Variants in ATP8A2 observed in about 807,000 individuals in gnomAD.
The protein encoded by ATP8A2 is ATPase phospholipid transporting 8A2.
ATP8A2 carries 100 observed loss-of-function variants against 165.6 expected under a neutral mutation model. The ratio of observed to expected loss-of-function variants is 0.60; its 90% confidence interval spans 0.51 to 0.71. The LOEUF is 0.71. Ranked by LOEUF, ATP8A2 falls within the 30% of genes least tolerant of loss-of-function variation. The pLI is 0.00. For synonymous variants in ATP8A2, 543 were observed against 548.8 expected, an observed-to-expected ratio of 0.99 and a Z score of 0.15; for missense variants, 1,227 against 1,479.5, an observed-to-expected ratio of 0.83 and a Z score of 2.80.
intron 24 of ATP8A2, among the ~76,000 whole-genome samples, chr13:25,602,150 AT>A (rs1246548285): frequency 6.6e-6 from 1 of 152,032 alleles, no homozygotes; most frequent in Non-Finnish European, 1.5e-5. Flanking sequence ...TGCTTGAACA[AT>A]TTTTTTCTAA....
chr13:25,686,607 T>C (rs1412542235), intron 24 of ATP8A2, among the ~76,000 whole-genome samples: 1 of 152,318 alleles, frequency 6.6e-6, no homozygotes, highest in Non-Finnish European at 1.5e-5. Context: ...AGTTTTCTTG[T>C]GGAATCTCTT....
chr13:25,765,696 G>A (rs1201243844), intron 25 of ATP8A2, among the ~76,000 whole-genome samples: 1 of 152,138 alleles, frequency 6.6e-6, no homozygotes, highest in African/African-American at 2.4e-5. Context: ...GCTGTTGGAT[G>A]TTCATAGATT....
intron 10 of ATP8A2, 63 bp from the exon 11 acceptor site, chr13:25,551,274 TC>T (rs539511928): frequency 6.7e-5 from 99 of 1,485,176 alleles, no homozygotes; most frequent in Non-Finnish European, 8.4e-5. Flanking sequence ...TTACCTCCTT[TC>T]CCCCAACCCC....
intron 33 of ATP8A2, among the ~76,000 whole-genome samples, chr13:25,910,986 A>G (rs113831457): frequency 1.8e-4 from 27 of 151,668 alleles, no homozygotes; most frequent in African/African-American, 6.1e-4. Flanking sequence ...TGGCGCAGGA[A>G]CACAGAGGGG....
At chr13:25,490,849 C>A (rs1425465316) in intron 2 of ATP8A2, among the ~76,000 whole-genome samples, 2 of 151,676 alleles carry the variant, frequency 1.3e-5, no homozygotes, top group African/African-American at 4.8e-5. Flanking sequence ...GCCTCAAATT[C>A]TCCCACCTCA....
intron 2 of ATP8A2, among the ~76,000 whole-genome samples, chr13:25,520,607 T>G (rs1199722577): frequency 1.5e-5 from 2 of 137,076 alleles, no homozygotes; most frequent in Non-Finnish European, 3.1e-5. Context: ...TTTTTTTTTG[T>G]TTTTTTTTTT....
In ATP8A2 at chr13:25,953,897, C is replaced by T. The variant is rs1593619515; in HGVS notation, c.3184-7678C>T. Reference sequence around the variant, plus strand: ...CCCTCCGGTGCCTACATCACCAGGGCCCTGGGTTTCAAGCACAAAACTGCA... The same window carrying T: ...CCCTCCGGTGCCTACATCACCAGGGTCCTGGGTTTCAAGCACAAAACTGCA... On this transcript the variant is annotated intron_variant, in intron 33 of 36. Coordinates refer to ENST00000381655, the MANE Select transcript of ATP8A2 (RefSeq NM_016529.6). This position sits in a 1 kb window ranked among gnomAD's most constrained non-coding sequence, Gnocchi z 6.7. 6.6e-6 allele frequency among the ~76,000 whole-genome samples: 1 copy of T among 152,304 alleles called. No homozygotes were observed. The highest frequency in any genetic ancestry group is 1.9e-4 in the East Asian group (1 of 5,178).
intron 24 of ATP8A2, 123 bp from the exon 25 acceptor site, chr13:25,699,050 C>A (rs2099160785): frequency 2.7e-6 from 2 of 733,860 alleles, no homozygotes; most frequent in Non-Finnish European, 2.1e-6. Context: ...CAAAGCTGAA[C>A]TGATAGTATA....
chr13:25,519,143 T>A (rs1188722469), intron 2 of ATP8A2, among the ~76,000 whole-genome samples: 1 of 152,184 alleles, frequency 6.6e-6, no homozygotes, highest in Non-Finnish European at 1.5e-5. Context: ...CTGCACTCGC[T>A]GTCCCCTCCC....
intron 30 of ATP8A2, among the ~76,000 whole-genome samples, chr13:25,852,807 G>C (rs2138717364): frequency 6.6e-6 from 1 of 151,862 alleles, no homozygotes; most frequent in South Asian, 2.1e-4. Context: ...TAAAGGCTGA[G>C]ACAGGAGGAT....
intron 2 of ATP8A2, among the ~76,000 whole-genome samples, chr13:25,490,733 TTTTG>T (rs1205914598): frequency 0.016 from 2,206 of 136,078 alleles, 54 homozygotes; most frequent in African/African-American, 0.059. Context: ...TTTGTTTTTT[TTTTG>T]TTTGTTTGTT....
At chr13:25,585,676 T>C (rs2039902315) in intron 23 of ATP8A2, among the ~76,000 whole-genome samples, 1 of 152,238 alleles carries the variant, frequency 6.6e-6, no homozygotes, top group African/African-American at 2.4e-5. Flanking sequence ...AGTTTAATTT[T>C]AGGAAGTGAC....
chr13:25,464,444 T>G (rs1330907901), intron 1 of ATP8A2, among the ~76,000 whole-genome samples: 3 of 40,040 alleles, frequency 7.5e-5, no homozygotes, highest in Non-Finnish European at 1.4e-4. Context: ...CTCATCTCTA[T>G]CTAAAAAAAA....
At chr13:25,587,932 T>C (rs1199398481) in intron 23 of ATP8A2, among the ~76,000 whole-genome samples, 1 of 152,222 alleles carries the variant, frequency 6.6e-6, no homozygotes, top group African/African-American at 2.4e-5. Context: ...AGTTTGTAAA[T>C]GTATAGAAAA....
At chr13:25,837,038 T>C in intron 28 of ATP8A2, 125 bp from the exon 29 acceptor site, 2 of 1,178,752 alleles carry the variant, frequency 1.7e-6, no homozygotes, top group South Asian at 1.6e-5. Context: ...TGTCTGGGGA[T>C]CTGTGAATCA....
chr13:25,809,529 C>T (rs942961172), intron 27 of ATP8A2, among the ~76,000 whole-genome samples: 9 of 152,094 alleles, frequency 5.9e-5, no homozygotes, highest in African/African-American at 2.2e-4. Context: ...CACCTTTTGG[C>T]ACCACGCTCA....
chr13:25,851,803 C>T lies in ATP8A2; in HGVS notation c.2957-8392C>T, dbSNP rs185150528. ...AAAGGCCATCCAGCTTCATGAATTG[C>T]GTTGCTCTGTGCGAATGCCTCATGC... On this transcript the variant is annotated intron_variant, in intron 30 of 36. Coordinates refer to ENST00000381655, the MANE Select transcript of ATP8A2 (RefSeq NM_016529.6). Among the ~76,000 whole-genome samples the T allele has an allele frequency of 1.7e-4, 26 of 152,128 alleles. No individual in the cohort carries two copies. The East Asian group carries it at 3.9e-3, about 23-fold the overall frequency.
intron 33 of ATP8A2, chr13:25,880,878 T>C (rs567554167): frequency 4.4e-6 from 2 of 455,162 alleles, no homozygotes; most frequent in African/African-American, 2.0e-5. Flanking sequence ...TGATGAAATA[T>C]GTTTCATGAT....
intron 24 of ATP8A2, among the ~76,000 whole-genome samples, chr13:25,614,104 A>G (rs748017596): frequency 6.6e-6 from 1 of 152,170 alleles, no homozygotes; most frequent in South Asian, 2.1e-4. Flanking sequence ...GTTTTCCTCA[A>G]TTATTCCCTC....
Sources: allele counts gnomAD v4.1 joint callset (sites outside exome capture counted in the v4.1 genomes callset), GRCh38; gene constraint gnomAD v4.1.1; non-coding constraint Gnocchi (gnomAD v3.1); transcripts MANE v1.5; gene names NCBI Gene and HGNC (gene_info 2026-07-23, HGNC 2026-07-21).